The following CACNG3 variants were observed in gnomAD, a reference collection of about 807,000 sequenced individuals.
CACNG3 encodes voltage-dependent calcium channel gamma-3 subunit.
A neutral mutation model predicts 28.5 loss-of-function variants in CACNG3; 3 were observed. The ratio of observed to expected loss-of-function variants is 0.11; its 90% CI spans 0.05 to 0.27. The LOEUF (loss-of-function observed/expected upper bound fraction) is 0.27. CACNG3 is among the 10% of genes least tolerant of loss of function. CACNG3 has a pLI of 1.00. For missense variants in CACNG3, 236 were observed against 414.4 expected (o/e 0.57, Z 3.74); for synonymous variants, 174 against 162.2 (o/e 1.07, Z -0.55).
chr16:24,256,952 C>G lies in CACNG3; in HGVS notation c.198C>G (p.Thr66=), dbSNP rs145675691. Residue 66 remains threonine (T), a synonymous_variant, in exon 1 of 4, where the codon ACC becomes ACG. Transcript: ENST00000005284. This position sits in a 1 kb window ranked among gnomAD's most constrained non-coding sequence, Gnocchi z 4.6. ...EVMTHSGLWR[T]CCLEGAFRGV... ...TGACCCATTCGGGGCTGTGGAGGAC[C>G]TGCTGCCTAGAAGGTATTTACAATT... 2.5e-6 allele frequency: 4 copies of G among 1,606,752 alleles called. No individual in the cohort carries two copies. The highest frequency in any genetic ancestry group is 1.6e-4 in the Middle Eastern group (1 of 6,068).
Position 24,361,705 on chromosome 16 carries a change from A to G in CACNG3, c.790A>G (p.Met264Val). The part of the protein sequence containing the change: ...FHTIPSTDIS[M>V]FTLSRDPSKI... ...CACCATCCCTTCCACTGACATCTCG[A>G]TGTTCACCCTCTCCCGGGACCCCTC... The change falls in exon 4 of 4, where the codon ATG becomes GTG. Residue 264 changes from methionine to valine, a missense_variant. By Grantham distance (21) the Met-to-Val change is conservative. Around this residue, in one of 2 missense-constraint regions of CACNG3, gnomAD observed 116 missense variants for 151.0 expected, o/e 0.77. Coordinates refer to ENST00000005284, the MANE Select transcript of CACNG3 (RefSeq NM_006539.4). The surrounding 1 kb of genome is among the most constrained non-coding windows in gnomAD (Gnocchi z 6.8). 1 of 1,613,140 alleles carries G rather than the reference A, an allele frequency of 6.2e-7. No individual in the cohort carries two copies. Among genetic ancestry groups the G allele is most frequent in the Non-Finnish European group, 8.5e-7 (1 of 1,179,890 alleles).
intron 1 of CACNG3, among the ~76,000 whole-genome samples, chr16:24,317,680 G>GAAAGAAAGAAAGAAAGAAAGAA (rs1899396956): frequency 9.8e-6 from 1 of 102,256 alleles, no homozygotes; most frequent in South Asian, 2.9e-4. Context: ...AAGAAAGAAA[G>GAAAGAAAGAAAGAAAGAAAGAA]AAAGAAAGAA....
In CACNG3 at chr16:24,256,666, A is replaced by G; in HGVS notation, c.-89A>G. 1.2e-6 allele frequency: 1 copy of G among 860,098 alleles called. No individual in the cohort carries two copies. The highest frequency in any genetic ancestry group is 2.0e-6 in the Non-Finnish European group (1 of 499,324). The allele number at this position is 860,098 out of a possible 1,614,324, so 53.3% of individuals were successfully genotyped here. A position where few individuals can be genotyped will look rare whatever the true frequency, so the allele number is the denominator to read the frequency against. On this transcript the variant is annotated 5_prime_UTR_variant, in exon 1 of 4. Coordinates refer to ENST00000005284, the MANE Select transcript of CACNG3 (RefSeq NM_006539.4). This position sits in a 1 kb window ranked among gnomAD's most constrained non-coding sequence, Gnocchi z 4.6. ...GACCTGAATTTTTGGAAGAGCCTGT[A>G]CTAGGTTACCCGGCTGCAGAGTGAT...
At chr16:24,301,943 T>C (rs745415087) in intron 1 of CACNG3, among the ~76,000 whole-genome samples, 13 of 152,206 alleles carry the variant, frequency 8.5e-5, no homozygotes, top group Non-Finnish European at 1.5e-4. Flanking sequence ...AAATCTGGAA[T>C]TGAAAATTAT....
At chr16:24,314,846 G>A (rs1288897849) in intron 1 of CACNG3, among the ~76,000 whole-genome samples, 2 of 150,778 alleles carry the variant, frequency 1.3e-5, no homozygotes, top group Non-Finnish European at 2.9e-5. Flanking sequence ...GTAGGTGACA[G>A]GAGGATGGAA....
At chr16:24,338,536 G>T (rs1385697740) in intron 1 of CACNG3, among the ~76,000 whole-genome samples, 3 of 152,004 alleles carry the variant, frequency 2.0e-5, no homozygotes, top group Non-Finnish European at 4.4e-5. Context: ...GTAGAGACAG[G>T]GTTTTACCAT....
At chr16:24,352,458 C>T (rs2283554) in intron 2 of CACNG3, among the ~76,000 whole-genome samples, 37,466 of 152,100 alleles carry the variant, frequency 0.25, 5,764 homozygotes, top group South Asian at 0.5. Context: ...AGCGTGTTAC[C>T]ACCTCAGGTC....
At chr16:24,358,857 G>C (rs1436832635) in intron 3 of CACNG3, among the ~76,000 whole-genome samples, 1 of 152,138 alleles carries the variant, frequency 6.6e-6, no homozygotes, top group African/African-American at 2.4e-5. Flanking sequence ...TACCTTCTCT[G>C]TGTCTGTTTC....
At chr16:24,322,181 T>C (rs530555295) in intron 1 of CACNG3, among the ~76,000 whole-genome samples, 61 of 152,232 alleles carry the variant, frequency 4.0e-4, no homozygotes, top group African/African-American at 1.4e-3. Flanking sequence ...CCCCACCCTG[T>C]GCCCCGCTGA....
chr16:24,313,085 A>AAGGAAGGAAGGAAGGAAGGAAGGG (rs1899296410), intron 1 of CACNG3, among the ~76,000 whole-genome samples: 1 of 151,114 alleles, frequency 6.6e-6, no homozygotes, highest in African/African-American at 2.4e-5. Flanking sequence ...GGAAGGAAGG[A>AAGGAAGGAAGGAAGGAAGGAAGGG]AGGAAGGAAG....
intron 1 of CACNG3, among the ~76,000 whole-genome samples, chr16:24,271,571 C>G (rs1264229875): frequency 6.6e-6 from 1 of 152,144 alleles, no homozygotes; most frequent in Admixed American, 6.5e-5. Context: ...ACAAGAGATG[C>G]AAAGTGAGTG....
chr16:24,325,804 G>A (rs1430356366), intron 1 of CACNG3, among the ~76,000 whole-genome samples: 2 of 152,256 alleles, frequency 1.3e-5, no homozygotes, highest in Non-Finnish European at 2.9e-5. Flanking sequence ...CATGGTTAGA[G>A]CTTAATAAAT....
At chr16:24,308,932 T>A (rs1303465379) in intron 1 of CACNG3, among the ~76,000 whole-genome samples, 3 of 132,698 alleles carry the variant, frequency 2.3e-5, no homozygotes, top group African/African-American at 8.6e-5. Context: ...AATTTAAAAA[T>A]ATTTACTATG....
intron 1 of CACNG3, among the ~76,000 whole-genome samples, chr16:24,260,485 C>T (rs1046121396): frequency 3.3e-5 from 5 of 152,184 alleles, no homozygotes; most frequent in Non-Finnish European, 5.9e-5. Context: ...GGGGGATTTA[C>T]ATAACTTGCC....
chr16:24,259,879 G>A (rs1045442621), intron 1 of CACNG3, among the ~76,000 whole-genome samples: 1 of 152,136 alleles, frequency 6.6e-6, no homozygotes, highest in Non-Finnish European at 1.5e-5. Flanking sequence ...ATTCTCATGA[G>A]GAACTTTTAA....
At chr16:24,310,215 A>G (rs1336434238) in intron 1 of CACNG3, among the ~76,000 whole-genome samples, 1 of 152,218 alleles carries the variant, frequency 6.6e-6, no homozygotes, top group Non-Finnish European at 1.5e-5. Flanking sequence ...GTCAGAGAAA[A>G]GATATCGAGA....
At chr16:24,360,266 C>G (rs1364460759) in intron 3 of CACNG3, among the ~76,000 whole-genome samples, 3 of 152,124 alleles carry the variant, frequency 2.0e-5, no homozygotes, top group Non-Finnish European at 1.5e-5. Flanking sequence ...AGACATATCC[C>G]CTTCGGAGTA....
rs189359905 is a variant in CACNG3 at position 24,339,578 on chromosome 16, G to A, written c.212-7156G>A. On this transcript the variant is annotated intron_variant, in intron 1 of 3. Coordinates refer to ENST00000005284, the MANE Select transcript of CACNG3 (RefSeq NM_006539.4). ...TTTTTGTATTTTTAGTAAAGACGGG[G>A]TTTCACCATGCTGGCCAGGCTGGCC... 1.5e-4 allele frequency among the ~76,000 whole-genome samples: 23 copies of A among 152,146 alleles called. No homozygotes were observed. The South Asian group carries it at 2.5e-3, about 16-fold the overall frequency.
intron 1 of CACNG3, among the ~76,000 whole-genome samples, chr16:24,342,429 A>G (rs905067394): frequency 6.6e-6 from 1 of 152,236 alleles, no homozygotes; most frequent in East Asian, 1.9e-4. Context: ...AATATTATCT[A>G]CTTTAGAAAC....
Sources: allele counts gnomAD v4.1 joint callset (sites outside exome capture counted in the v4.1 genomes callset), GRCh38; gene constraint gnomAD v4.1.1; regional missense constraint gnomAD v4.1.1; non-coding constraint Gnocchi (gnomAD v3.1); transcripts MANE v1.5; gene names NCBI Gene and HGNC (gene_info 2026-07-23, HGNC 2026-07-21).